The following WWC1 variants were observed in gnomAD, a reference collection of about 807,000 sequenced individuals.
WWC1 encodes the protein WW and C2 domain containing 1.
Under a neutral mutation model 138.4 loss-of-function variants are expected in WWC1, and 55 were observed. The observed-to-expected ratio is 0.40, with a 90% confidence interval of 0.32 to 0.50. The LOEUF is 0.50. Ranked by LOEUF, WWC1 falls within the 20% of genes least tolerant of loss-of-function variation. WWC1 has a pLI of 0.72. For synonymous variants in WWC1, 524 were observed against 564.9 expected (o/e 0.93, Z 1.03); for missense variants, 1,226 against 1,420.4 (o/e 0.86, Z 2.20).
In WWC1 at chr5:168,423,161, A is replaced by AAAAAAAAAAC. The variant is rs1554108974; in HGVS notation, c.1275-363_1275-362insCAAAAAAAAA. On this transcript the variant is annotated intron_variant, in intron 10 of 22. Coordinates refer to ENST00000265293, the MANE Select transcript of WWC1 (RefSeq NM_015238.3). Reference sequence around the variant, plus strand: ...CTCCATCCCCCCCCAAAAAAAAAAAAAAAAAAAAAAACACAGTGAGTTGAT... The same window carrying AAAAAAAAAAC: ...CTCCATCCCCCCCCAAAAAAAAAAAAAAAAAAAAACAAAAAAAAAAACACAGTGAGTTGAT... 9.9e-4 allele frequency among the ~76,000 whole-genome samples: 139 copies of AAAAAAAAAAC among 140,138 alleles called. 1 individual carries two copies. The highest frequency in any genetic ancestry group is 1.3e-3 in the Non-Finnish European group (82 of 65,000). The allele number at this position is 140,138 out of a possible 152,430, so 91.9% of individuals were successfully genotyped here. A position where few individuals can be genotyped will look rare whatever the true frequency, so the allele number is the denominator to read the frequency against.
intron 2 of WWC1, among the ~76,000 whole-genome samples, chr5:168,373,568 T>A (rs1776920296): frequency 6.6e-6 from 1 of 151,990 alleles, no homozygotes; most frequent in African/African-American, 2.4e-5. Context: ...GCATTGTTCA[T>A]GGACTGAAAT....
intron 19 of WWC1, among the ~76,000 whole-genome samples, chr5:168,457,462 C>T (rs527542757): frequency 6.6e-6 from 1 of 152,268 alleles, no homozygotes; most frequent in East Asian, 1.9e-4. Flanking sequence ...GCCAGCTCCG[C>T]GTGTCTCAGT....
chr5:168,431,466 CTGGCTGG>C, intron 15 of WWC1, 22 bp downstream of exon 15: 1 of 1,214,800 alleles, frequency 8.2e-7, no homozygotes, highest in Non-Finnish European at 1.1e-6. Flanking sequence ...GTCTGGCTGG[CTGGCTGG>C]CTGGCTGGCT....
intron 3 of WWC1, among the ~76,000 whole-genome samples, chr5:168,391,871 C>T (rs774804058): frequency 4.0e-5 from 6 of 149,078 alleles, no homozygotes; most frequent in Admixed American, 6.7e-5. Flanking sequence ...TGGCAACCTA[C>T]GTAGCAGACC....
At chr5:168,405,802 C>G (rs1389051114) in intron 5 of WWC1, among the ~76,000 whole-genome samples, 2 of 150,634 alleles carry the variant, frequency 1.3e-5, no homozygotes. Flanking sequence ...TCTCAGCTCA[C>G]TACAACCTCT....
intron 11 of WWC1, among the ~76,000 whole-genome samples, chr5:168,426,811 C>A (rs943612480): frequency 1.3e-5 from 2 of 152,256 alleles, no homozygotes; most frequent in Non-Finnish European, 2.9e-5. Context: ...GGTCTGCCCG[C>A]AGGTGCTCAG....
chr5:168,371,810 T>G (rs1776770261), intron 2 of WWC1, among the ~76,000 whole-genome samples: 5 of 152,138 alleles, frequency 3.3e-5, no homozygotes, highest in Admixed American at 3.3e-4. Flanking sequence ...AACAGTTTCT[T>G]GTGTATCATT....
intron 19 of WWC1, among the ~76,000 whole-genome samples, chr5:168,457,376 C>T (rs1756432083): frequency 6.6e-6 from 1 of 152,110 alleles, no homozygotes; most frequent in South Asian, 2.1e-4. Context: ...GTTTTGCACC[C>T]ACAAGATGAG....
At chr5:168,373,646 G>A (rs1776926019) in intron 2 of WWC1, among the ~76,000 whole-genome samples, 1 of 148,988 alleles carries the variant, frequency 6.7e-6, no homozygotes, top group Non-Finnish European at 1.5e-5. Context: ...GTACTTGGGA[G>A]GCTGAGGCAG....
chr5:168,369,445 C>A (rs184286367), intron 1 of WWC1, among the ~76,000 whole-genome samples: 25 of 152,094 alleles, frequency 1.6e-4, no homozygotes, highest in Non-Finnish European at 5.9e-5. Context: ...CTCTGTTGCC[C>A]AGCTTGTAAT....
chr5:168,466,040 G>C (rs1432355545), intron 21 of WWC1, among the ~76,000 whole-genome samples: 2 of 152,190 alleles, frequency 1.3e-5, no homozygotes, highest in Non-Finnish European at 2.9e-5. Context: ...CTGGGTCAGA[G>C]AACTCCAAAG....
chr5:168,339,985 T>TTCTCTCTC (rs1206395805), intron 1 of WWC1, among the ~76,000 whole-genome samples: 2 of 96,290 alleles, frequency 2.1e-5, no homozygotes, highest in Non-Finnish European at 4.5e-5. Context: ...CTTTCTCTCT[T>TTCTCTCTC]TCTCTCTCTC....
chr5:168,313,231 A>G (rs1285812259), intron 1 of WWC1, among the ~76,000 whole-genome samples: 1 of 151,898 alleles, frequency 6.6e-6, no homozygotes, highest in African/African-American at 2.4e-5. Flanking sequence ...TGTGATTCCT[A>G]CCCTCTTGCT....
intron 1 of WWC1, among the ~76,000 whole-genome samples, chr5:168,310,571 A>C (rs1001805893): frequency 6.6e-6 from 1 of 152,136 alleles, no homozygotes; most frequent in Non-Finnish European, 1.5e-5. Context: ...AGAGTGGCTC[A>C]TGCCTGTAAA....
chr5:168,359,579 A>G (rs1204323332), intron 1 of WWC1, among the ~76,000 whole-genome samples: 1 of 152,242 alleles, frequency 6.6e-6, no homozygotes, highest in African/African-American at 2.4e-5. Context: ...TGTATGTGCC[A>G]TAAGAAAGGG....
chr5:168,352,018 C>T (rs1775006068), intron 1 of WWC1, among the ~76,000 whole-genome samples: 1 of 152,188 alleles, frequency 6.6e-6, no homozygotes, highest in African/African-American at 2.4e-5. Context: ...CTGCCCTTTG[C>T]TAGCTGTAGG....
chr5:168,414,680 G>T, intron 9 of WWC1, 90 bp downstream of exon 9: 1 of 1,438,568 alleles, frequency 7.0e-7, no homozygotes, highest in Non-Finnish European at 9.2e-7. Context: ...AGGGGGCTCC[G>T]GGCCCCTGGG....
At position 168,467,841 on chromosome 5, in the gene WWC1, A is replaced by G. The variant is rs1371906416; in HGVS notation, c.3152A>G (p.Gln1051Arg). ...RLLLRMLEKR[Q>R]MDRAEHKGEL... ...CAGGGCCTTGCTTGCTTTGCCCAGC[A>G]GATGGACCGAGCGGAGCACAAGGGT... Residue 1051 changes from glutamine (Q) to arginine (R), a missense_variant and splice_region_variant, in exon 22 of 23, where the codon CAG becomes CGG. Transcript: ENST00000265293. 6.2e-7 allele frequency: 1 copy of G among 1,614,096 alleles called. No individual in the cohort carries two copies. Among genetic ancestry groups the G allele is most frequent in the African/African-American group, 1.3e-5 (1 of 74,942 alleles).
intron 17 of WWC1, among the ~76,000 whole-genome samples, chr5:168,453,193 C>T (rs1387691869): frequency 1.3e-5 from 2 of 151,452 alleles, no homozygotes; most frequent in East Asian, 3.9e-4. Flanking sequence ...CACTGCACTC[C>T]AGCCTGGGTG....
Sources: allele counts gnomAD v4.1 joint callset (sites outside exome capture counted in the v4.1 genomes callset), GRCh38; gene constraint gnomAD v4.1.1; transcripts MANE v1.5; gene names NCBI Gene and HGNC (gene_info 2026-07-23, HGNC 2026-07-21).